Variants in ATXN7L1 observed in about 807,000 individuals in gnomAD.
The protein encoded by ATXN7L1 is ataxin 7 like 1.
A neutral mutation model predicts 70.8 loss-of-function variants in ATXN7L1; 15 were observed. That is an observed-to-expected ratio of 0.21 (90% CI 0.14 to 0.33). ATXN7L1 has a LOEUF of 0.33. ATXN7L1 is among the 10% of genes least tolerant of loss of function. ATXN7L1 has a pLI of 1.00. For synonymous variants in ATXN7L1, 440 were observed against 445.1 expected (o/e 0.99, Z 0.14); for missense variants, 975 against 1,097.1 (o/e 0.89, Z 1.57).
At chr7:105,646,581 C>T (rs1014618612) in intron 4 of ATXN7L1, among the ~76,000 whole-genome samples, 5 of 152,036 alleles carry the variant, frequency 3.3e-5, no homozygotes, top group Non-Finnish European at 7.4e-5. Flanking sequence ...CCACACTTGG[C>T]TAATTTTTGT....
chr7:105,817,631 G>A (rs1194022475), intron 2 of ATXN7L1, among the ~76,000 whole-genome samples: 1 of 152,138 alleles, frequency 6.6e-6, no homozygotes, highest in East Asian at 1.9e-4. Flanking sequence ...GTTAACAACA[G>A]TTGGGCCAGG....
chr7:105,667,154 T>C (rs1802731883), intron 3 of ATXN7L1, among the ~76,000 whole-genome samples: 1 of 152,212 alleles, frequency 6.6e-6, no homozygotes, highest in African/African-American at 2.4e-5. Context: ...TACTGGCTTT[T>C]ACAACCCCTG....
intron 10 of ATXN7L1, 53 bp downstream of exon 10, chr7:105,613,809 C>G: frequency 7.7e-6 from 12 of 1,551,534 alleles, no homozygotes; most frequent in African/African-American, 1.4e-5. Flanking sequence ...GGGCGCTGCC[C>G]AGCTCCCCCT....
intron 3 of ATXN7L1, among the ~76,000 whole-genome samples, chr7:105,689,692 G>A (rs1790495011): frequency 6.6e-6 from 1 of 152,160 alleles, no homozygotes; most frequent in Non-Finnish European, 1.5e-5. Flanking sequence ...CACACACAGG[G>A]GCAGATTTGA....
chr7:105,737,712 C>T (rs1318090367), intron 3 of ATXN7L1, among the ~76,000 whole-genome samples: 1 of 152,116 alleles, frequency 6.6e-6, no homozygotes, highest in African/African-American at 2.4e-5. Context: ...TCATAGCTAA[C>T]CCCAAATTCT....
At chr7:105,782,359 C>A (rs1395905729) in intron 3 of ATXN7L1, among the ~76,000 whole-genome samples, 1 of 152,166 alleles carries the variant, frequency 6.6e-6, no homozygotes, top group Non-Finnish European at 1.5e-5. Context: ...ACTTTAGAAA[C>A]AAACTAATCC....
rs1584798696 is a variant in ATXN7L1, at chr7:105,711,110, AT to A, written c.356-45823del. 2.6e-5 allele frequency among the ~76,000 whole-genome samples: 4 copies of A among 152,268 alleles called. No homozygotes were observed. In the East Asian group the frequency reaches 7.7e-4, roughly 29 times the overall value. ...GTCCTGCCCTTGACATGTGGGGATT[AT>A]TACAATTCAAGGTGAGATTTGGGTG... On this transcript the variant is annotated intron_variant, in intron 3 of 11. Coordinates refer to ENST00000419735, the MANE Select transcript of ATXN7L1 (RefSeq NM_020725.2).
rs149423657 is a variant in ATXN7L1, at chr7:105,819,170, G to A, written c.251-30462C>T. Among the ~76,000 whole-genome samples the A allele has an allele frequency of 4.1e-3, 617 of 152,084 alleles. 3 individuals are homozygous for A. Among genetic ancestry groups the A allele is most frequent in the African/African-American group, 0.014 (572 of 41,460 alleles). ...GTCCTTGTGATAGTTTGCTGAGAAT[G>A]ATGGTTTCCTACCCACTGGATTTAA... On this transcript the variant is annotated intron_variant, in intron 2 of 11. Coordinates refer to ENST00000419735, the MANE Select transcript of ATXN7L1 (RefSeq NM_020725.2).
At chr7:105,753,812 T>C (rs1172625765) in intron 3 of ATXN7L1, among the ~76,000 whole-genome samples, 4 of 152,198 alleles carry the variant, frequency 2.6e-5, no homozygotes, top group Admixed American at 1.3e-4. Flanking sequence ...ATGTTCACTA[T>C]TTATGGGAGT....
At chr7:105,826,355 T>C (rs1406237544) in intron 2 of ATXN7L1, among the ~76,000 whole-genome samples, 1 of 152,234 alleles carries the variant, frequency 6.6e-6, no homozygotes, top group Non-Finnish European at 1.5e-5. Context: ...GCTTCATCTA[T>C]AAAACAAGGA....
At position 105,876,524 on chromosome 7, in the gene ATXN7L1, G is replaced by A. The variant is rs1388948082; in HGVS notation, c.35C>T (p.Ser12Leu). 3 of 1,608,646 alleles carry A rather than the reference G, an allele frequency of 1.9e-6. No individual in the cohort carries two copies. Among genetic ancestry groups the A allele is most frequent in the Non-Finnish European group, 2.5e-6 (3 of 1,177,120 alleles). The change falls in exon 1 of 12, where the codon TCG (serine) becomes TTG (leucine). Residue 12 changes from serine (S) to leucine (L), a missense_variant. Coordinates refer to ENST00000419735, the MANE Select transcript of ATXN7L1 (RefSeq NM_020725.2). Reference sequence around the variant, plus strand: ...CCCTGTTCCTTCGGCAGCAGCAGCCGAGAGACACGGGATTCGAGAACGCTC... The same window carrying A: ...CCCTGTTCCTTCGGCAGCAGCAGCCAAGAGACACGGGATTCGAGAACGCTC... ...TSERSRIPCL[S>L]AAAAEGTGKK...
intron 2 of ATXN7L1, among the ~76,000 whole-genome samples, chr7:105,845,531 T>G (rs1238138921): frequency 7.3e-6 from 1 of 136,590 alleles, no homozygotes; most frequent in Non-Finnish European, 1.6e-5. Flanking sequence ...TTTTTTTTTT[T>G]GAAGAAATTG....
chr7:105,855,216 G>A (rs1348158181), intron 2 of ATXN7L1, among the ~76,000 whole-genome samples: 1 of 152,194 alleles, frequency 6.6e-6, no homozygotes, highest in Non-Finnish European at 1.5e-5. Context: ...GCCTCCCAAA[G>A]TGCTGGGATC....
intron 3 of ATXN7L1, among the ~76,000 whole-genome samples, chr7:105,716,671 A>G (rs1197063482): frequency 5.1e-4 from 10 of 19,706 alleles, no homozygotes; most frequent in East Asian, 3.8e-3. Flanking sequence ...CTCTGCACAC[A>G]CACACACACA....
rs575873054 is a variant in ATXN7L1 at position 105,618,700 on chromosome 7, C to T, written c.1517+1500G>A. 2.6e-5 allele frequency among the ~76,000 whole-genome samples: 4 copies of T among 152,280 alleles called. No homozygotes were observed. In the South Asian group the frequency reaches 8.3e-4, roughly 32 times the overall value. On this transcript the variant is annotated intron_variant, in intron 9 of 11. Coordinates refer to ENST00000419735, the MANE Select transcript of ATXN7L1 (RefSeq NM_020725.2). ...GGCCTCAGCTGTTGTCCTTCCTGGACTGTCTAGGCCCAGATTTATGTGATC... is the reference window on the plus strand; with the variant it reads ...GGCCTCAGCTGTTGTCCTTCCTGGATTGTCTAGGCCCAGATTTATGTGATC...
chr7:105,740,942 T>G (rs1371837544), intron 3 of ATXN7L1, among the ~76,000 whole-genome samples: 4 of 151,754 alleles, frequency 2.6e-5, no homozygotes, highest in Non-Finnish European at 5.9e-5. Context: ...TTTTTTGTAT[T>G]TTTAGTAGAG....
At chr7:105,806,139 G>C (rs559831170) in intron 2 of ATXN7L1, among the ~76,000 whole-genome samples, 2 of 152,086 alleles carry the variant, frequency 1.3e-5, no homozygotes, top group Non-Finnish European at 2.9e-5. Context: ...AGACAGATGG[G>C]AATGCAGGTT....
intron 3 of ATXN7L1, among the ~76,000 whole-genome samples, chr7:105,765,317 A>AG (rs1201304401): frequency 2.0e-5 from 3 of 149,608 alleles, no homozygotes; most frequent in African/African-American, 7.4e-5. Context: ...CTGGGTCAGA[A>AG]AAAAAAAAAA....
intron 9 of ATXN7L1, among the ~76,000 whole-genome samples, chr7:105,619,165 T>TTTTTTTTTTTTTTTA (rs869296716): frequency 7.1e-6 from 1 of 140,544 alleles, no homozygotes. Context: ...TTTTTTTTTT[T>TTTTTTTTTTTTTTTA]GAGACGGAGT....
Sources: gnomAD v4.1 joint callset for allele counts (sites outside exome capture counted in the v4.1 genomes callset) on GRCh38, gnomAD v4.1.1 for gene constraint, MANE v1.5 for transcripts, NCBI Gene and HGNC (gene_info 2026-07-23, HGNC 2026-07-21) for gene names.